GRB2: variants seen among roughly 807,000 people sequenced by gnomAD.
GRB2 encodes growth factor receptor-bound protein 2.
In GRB2, 2 loss-of-function variants were observed where a neutral mutation model predicts 27.4. The observed-to-expected ratio is 0.07, with a 90% CI of 0.03 to 0.23. The LOEUF is 0.23. Ranked by LOEUF, GRB2 falls within the 10% of genes least tolerant of loss-of-function variation. GRB2 has a pLI of 1.00. For synonymous variants in GRB2, 94 were observed against 99.6 expected (o/e 0.94, Z 0.33); for missense variants, 102 against 282.4 (o/e 0.36, Z 4.58).
chr17:75,340,085 AT>A (rs988813379), intron 2 of GRB2, among the ~76,000 whole-genome samples: 44 of 152,076 alleles, frequency 2.9e-4, no homozygotes, highest in African/African-American at 1.0e-3. Flanking sequence ...AGAAATCATA[AT>A]TTTTTTTAAA....
Position 75,338,515 on chromosome 17 carries a change from T to C in GRB2, c.79-5718A>G, listed in dbSNP as rs571979528. 5.5e-4 allele frequency among the ~76,000 whole-genome samples: 84 copies of C among 152,336 alleles called. 1 individual carries two copies. Among genetic ancestry groups the C allele is most frequent in the African/African-American group, 1.9e-3 (81 of 41,572 alleles). On this transcript the variant is annotated intron_variant, in intron 2 of 5. Coordinates refer to ENST00000316804, the MANE Select transcript of GRB2 (RefSeq NM_002086.5). ...TCAGCTTTAAAATCTCCAAGGAATG[T>C]TTTTAGCTATTACCCCACAGCTGCA...
At chr17:75,367,228 T>C (rs1262314262) in intron 2 of GRB2, among the ~76,000 whole-genome samples, 2 of 152,192 alleles carry the variant, frequency 1.3e-5, no homozygotes, top group African/African-American at 4.8e-5. Flanking sequence ...TAAAGTGCTG[T>C]AGCGTGATTA....
chr17:75,352,273 C>T (rs757024231), intron 2 of GRB2, among the ~76,000 whole-genome samples: 13 of 152,166 alleles, frequency 8.5e-5, no homozygotes, highest in Non-Finnish European at 1.9e-4. Context: ...CTCAGCCTTG[C>T]TCCGCCTCTA....
intron 2 of GRB2, among the ~76,000 whole-genome samples, chr17:75,343,762 TG>T (rs1330578580): frequency 1.3e-5 from 2 of 152,140 alleles, no homozygotes; most frequent in African/African-American, 4.8e-5. Flanking sequence ...TTGTGACATG[TG>T]GAAGTCCTAT....
chr17:75,355,132 C>A (rs949398114), intron 2 of GRB2, among the ~76,000 whole-genome samples: 2 of 152,198 alleles, frequency 1.3e-5, no homozygotes, highest in Admixed American at 6.5e-5. Context: ...TACTTTTGTC[C>A]CTGTTCCTAG....
At chr17:75,339,349 A>C (rs2078604947) in intron 2 of GRB2, among the ~76,000 whole-genome samples, 1 of 151,436 alleles carries the variant, frequency 6.6e-6, no homozygotes. Flanking sequence ...GCCCGCCACC[A>C]CGCCCGGCTA....
chr17:75,369,836 G>A (rs2078844353), intron 2 of GRB2, among the ~76,000 whole-genome samples: 1 of 147,026 alleles, frequency 6.8e-6, no homozygotes, highest in Non-Finnish European at 1.5e-5. Flanking sequence ...CTCCAGCCTG[G>A]GCAACAGAGA....
intron 2 of GRB2, among the ~76,000 whole-genome samples, chr17:75,390,171 C>T (rs373602883): frequency 6.6e-6 from 1 of 152,104 alleles, no homozygotes; most frequent in African/African-American, 2.4e-5. Context: ...GTAGTTAGTG[C>T]CAGAGAGGGT....
chr17:75,381,735 G>GAA (rs72373494), intron 2 of GRB2, among the ~76,000 whole-genome samples: 6 of 120,758 alleles, frequency 5.0e-5, no homozygotes, highest in African/African-American at 1.2e-4. Flanking sequence ...AAAAAAAAAA[G>GAA]AAAAAAAAAA....
chr17:75,346,682 A>G (rs1449492085), intron 2 of GRB2, among the ~76,000 whole-genome samples: 1 of 144,720 alleles, frequency 6.9e-6, no homozygotes, highest in Non-Finnish European at 1.5e-5. Context: ...GCCCGGGTTC[A>G]AATGATTCCC....
intron 2 of GRB2, among the ~76,000 whole-genome samples, chr17:75,366,520 C>T (rs746863942): frequency 5.0e-5 from 7 of 139,326 alleles, no homozygotes; most frequent in Non-Finnish European, 7.9e-5. Flanking sequence ...AAAAAAACGG[C>T]CAGCTGCCGT....
intron 2 of GRB2, among the ~76,000 whole-genome samples, chr17:75,387,212 G>A (rs1179439388): frequency 1.3e-5 from 2 of 151,984 alleles, no homozygotes; most frequent in Non-Finnish European, 2.9e-5. Flanking sequence ...GCTCAAGCCT[G>A]TAATCCTAGC....
At chr17:75,350,735 G>A (rs922208993) in intron 2 of GRB2, among the ~76,000 whole-genome samples, 3 of 152,068 alleles carry the variant, frequency 2.0e-5, no homozygotes, top group Non-Finnish European at 2.9e-5. Context: ...CTCGTGATCC[G>A]CCCACCTTGG....
chr17:75,358,698 A>C (rs1311421006), intron 2 of GRB2, among the ~76,000 whole-genome samples: 1 of 53,960 alleles, frequency 1.9e-5, no homozygotes, highest in East Asian at 6.4e-4. Flanking sequence ...TCCCATCTCT[A>C]CTAAAAAAAA....
At chr17:75,343,714 G>A (rs1280844467) in intron 2 of GRB2, among the ~76,000 whole-genome samples, 2 of 152,082 alleles carry the variant, frequency 1.3e-5, no homozygotes, top group African/African-American at 4.8e-5. Flanking sequence ...TACCAAAGGG[G>A]TACAAAAAGT....
chr17:75,365,601 C>A (rs1166402898), intron 2 of GRB2, among the ~76,000 whole-genome samples: 1 of 151,930 alleles, frequency 6.6e-6, no homozygotes, highest in Non-Finnish European at 1.5e-5. Context: ...AAAGGAACAT[C>A]TGGTACAATC....
At chr17:75,367,344 A>T (rs998050046) in intron 2 of GRB2, among the ~76,000 whole-genome samples, 4 of 152,034 alleles carry the variant, frequency 2.6e-5, no homozygotes, top group Non-Finnish European at 2.9e-5. Context: ...CTAATTTTTT[A>T]AAAAAACTTT....
chr17:75,331,907 C>A (rs1205735555), intron 3 of GRB2, among the ~76,000 whole-genome samples: 1 of 152,136 alleles, frequency 6.6e-6, no homozygotes, highest in Non-Finnish European at 1.5e-5. Context: ...AGGCCCCTCC[C>A]ACTCAAGATG....
rs906051417 is a variant in GRB2 at position 75,320,164 on chromosome 17, A to C, written c.*204T>G. ...AAAATTTGTAATAAAAACTCTTCTT[A>C]ATTTATAGGTAAGTTTTGGCATTTT... On this transcript the variant is annotated 3_prime_UTR_variant, in exon 6 of 6. Transcript: ENST00000316804. This position sits in a 1 kb window ranked among gnomAD's most constrained non-coding sequence, Gnocchi z 4.3. 1 of 513,330 alleles carries C rather than the reference A, an allele frequency of 1.9e-6. No individual in the cohort carries two copies. The highest frequency in any genetic ancestry group is 1.9e-5 in the African/African-American group (1 of 52,486). 31.8% of individuals were successfully genotyped at this position (513,330 alleles called of 1,614,324 possible).
Sources: gnomAD v4.1 joint callset for allele counts (sites outside exome capture counted in the v4.1 genomes callset) on GRCh38, gnomAD v4.1.1 for gene constraint, Gnocchi (gnomAD v3.1) non-coding constraint, MANE v1.5 for transcripts, NCBI Gene and HGNC (gene_info 2026-07-23, HGNC 2026-07-21) for gene names.